ZEB2: variants seen among roughly 807,000 people sequenced by gnomAD.
ZEB2 encodes the protein zinc finger E-box binding homeobox 2.
ZEB2 carries 6 observed loss-of-function variants against 99.9 expected under a neutral mutation model. That is an observed-to-expected ratio of 0.06 (90% CI 0.03 to 0.12). The LOEUF (loss-of-function observed/expected upper bound fraction) is 0.12. ZEB2 is among the 10% of genes least tolerant of loss of function. ZEB2 has a pLI of 1.00. For synonymous variants in ZEB2, 517 were observed against 542.5 expected, an observed-to-expected ratio of 0.95 and a Z score of 0.65; for missense variants, 969 against 1,502.8, an observed-to-expected ratio of 0.64 and a Z score of 5.87.
At chr2:144,510,777 G>A (rs868671237) in intron 2 of ZEB2, among the ~76,000 whole-genome samples, 4 of 151,874 alleles carry the variant, frequency 2.6e-5, no homozygotes, top group East Asian at 1.9e-4. Context: ...GGAGCCTGCC[G>A]GCGGTGAAAG....
intron 2 of ZEB2, among the ~76,000 whole-genome samples, chr2:144,493,572 C>G (rs1174972691): frequency 6.6e-6 from 1 of 151,924 alleles, no homozygotes; most frequent in Non-Finnish European, 1.5e-5. Flanking sequence ...AACTGGGCTC[C>G]ATTTGTTACA....
chr2:144,386,007 C>T lies in ZEB2; in HGVS notation c.*3444G>A, dbSNP rs751537725. The T allele has an allele frequency of 7.2e-5, 11 of 152,128 alleles. No individual in the cohort carries two copies. The highest frequency in any genetic ancestry group is 1.5e-4 in the Non-Finnish European group (10 of 68,020). 9.4% of individuals were successfully genotyped at this position (152,128 alleles called of 1,614,324 possible). On this transcript the variant is annotated 3_prime_UTR_variant, in exon 10 of 10. Coordinates refer to ENST00000627532, the MANE Select transcript of ZEB2 (RefSeq NM_014795.4). ...AGAAATTCTGATACGCATCTCTCTT[C>T]CCAGTTATTTCAGGCCTAAGCTTAC...
At chr2:144,395,004 T>C (rs1397191418) in intron 9 of ZEB2, among the ~76,000 whole-genome samples, 3 of 147,950 alleles carry the variant, frequency 2.0e-5, no homozygotes, top group Admixed American at 2.0e-4. Context: ...TTTTTTTTTT[T>C]TTTTTTTTTG....
intron 2 of ZEB2, among the ~76,000 whole-genome samples, chr2:144,510,687 C>CCTCTCTCTCTCTCT (rs34688250): frequency 1.7e-3 from 257 of 147,968 alleles, no homozygotes; most frequent in African/African-American, 3.8e-3. Flanking sequence ...CTACCCTGTG[C>CCTCTCTCTCTCTCT]CTCTCTCTCT....
chr2:144,513,533 C>A, intron 2 of ZEB2: 1 of 1,529,394 alleles, frequency 6.5e-7, no homozygotes, highest in Non-Finnish European at 8.7e-7. Flanking sequence ...TTCTCTGAAA[C>A]AAGCAGTTTC....
At chr2:144,435,226 C>T (rs937269014) in intron 2 of ZEB2, among the ~76,000 whole-genome samples, 1 of 152,088 alleles carries the variant, frequency 6.6e-6, no homozygotes, top group African/African-American at 2.4e-5. Context: ...TGAGAGAGAC[C>T]ATGCCTAATC....
rs145787612 is a variant in ZEB2 at position 144,415,923 on chromosome 2, G to C, written c.403+8873C>G. ...GTATACTGCAAGCAAAATGACGCCT[G>C]TCCCATGATTACATTTCCCACAGGA... On this transcript the variant is annotated intron_variant, in intron 4 of 9. Coordinates refer to ENST00000627532, the MANE Select transcript of ZEB2 (RefSeq NM_014795.4). Among the ~76,000 whole-genome samples, 567 of 152,284 alleles carry C rather than the reference G, an allele frequency of 3.7e-3. 10 individuals are homozygous for C. The highest frequency in any genetic ancestry group is 1.1e-3 in the Non-Finnish European group (78 of 68,020).
At chr2:144,411,166 G>A (rs930034) in intron 4 of ZEB2, among the ~76,000 whole-genome samples, 27,476 of 137,498 alleles carry the variant, frequency 0.2, 3,454 homozygotes, top group African/African-American at 0.32. Context: ...CCAGTGTAAT[G>A]TAATGTATAT....
chr2:144,411,878 G>A (rs1703469132), intron 4 of ZEB2, among the ~76,000 whole-genome samples: 2 of 152,198 alleles, frequency 1.3e-5, no homozygotes, highest in South Asian at 4.1e-4. Context: ...TCTTACATTA[G>A]GGGATTTTGA....
At chr2:144,415,625 A>G (rs537278620) in intron 4 of ZEB2, among the ~76,000 whole-genome samples, 3 of 152,330 alleles carry the variant, frequency 2.0e-5, no homozygotes, top group Admixed American at 6.5e-5. Flanking sequence ...AAGGGTCAAC[A>G]AACTCCTTAA....
chr2:144,421,159 C>T (rs952293908), intron 4 of ZEB2, among the ~76,000 whole-genome samples: 1 of 152,176 alleles, frequency 6.6e-6, no homozygotes, highest in African/African-American at 2.4e-5. Context: ...TGCTGTTTGT[C>T]TCCCATTCAC....
At chr2:144,400,319 A>AT (rs1450585167) in intron 7 of ZEB2, 49 bp from the exon 8 acceptor site, 6 of 1,580,778 alleles carry the variant, frequency 3.8e-6, no homozygotes, top group Non-Finnish European at 5.1e-6. Context: ...TTAGATAACA[A>AT]TTGCAATTGT....
At position 144,453,932 on chromosome 2, in the gene ZEB2, C is replaced by A. The variant is rs1309664771; in HGVS notation, c.74-23906G>T. On this transcript the variant is annotated intron_variant, in intron 2 of 9. Coordinates refer to ENST00000627532, the MANE Select transcript of ZEB2 (RefSeq NM_014795.4). Reference sequence around the variant, plus strand: ...GCTCATAATAGTGGTGACATTTAGACAAAAGTCTTGATGACAGCGCAATGC... The same window carrying A: ...GCTCATAATAGTGGTGACATTTAGAAAAAAGTCTTGATGACAGCGCAATGC... 3.3e-5 allele frequency among the ~76,000 whole-genome samples: 5 copies of A among 152,220 alleles called. 1 individual carries two copies. Among genetic ancestry groups the A allele is most frequent in the East Asian group, 1.9e-4 (1 of 5,182 alleles).
intron 2 of ZEB2, among the ~76,000 whole-genome samples, chr2:144,474,312 T>C (rs1288576814): frequency 6.6e-6 from 1 of 152,158 alleles, no homozygotes; most frequent in Non-Finnish European, 1.5e-5. Context: ...CTTATGTGCT[T>C]CCGAATCAAA....
chr2:144,452,297 A>G (rs1018267996), intron 2 of ZEB2, among the ~76,000 whole-genome samples: 1 of 152,114 alleles, frequency 6.6e-6, no homozygotes, highest in Non-Finnish European at 1.5e-5. Flanking sequence ...AATCTGTATG[A>G]TAATTCTCTC....
intron 2 of ZEB2, chr2:144,514,171 C>T (rs1553971315): frequency 4.3e-6 from 1 of 231,308 alleles, no homozygotes; most frequent in Non-Finnish European, 8.7e-6. Context: ...TCTCTTTGTA[C>T]ATTTATTTTT....
Position 144,396,435 on chromosome 2 carries a change from A to C in ZEB2, c.3044T>G (p.Leu1015Arg). The change falls in exon 9 of 10, where the codon CTG (leucine) becomes CGG (arginine). Residue 1015 changes from leucine (L) to arginine (R), a missense_variant. This residue lies in a region of ZEB2 where 17 missense variants were observed against 116.9 expected (regional missense o/e 0.15). Coordinates refer to ENST00000627532, the MANE Select transcript of ZEB2 (RefSeq NM_014795.4). ...DKTFQKSSSL[L>R]RHKYEHTGKR... ...ACCTGTGTGTTCGTATTTATGTCGC[A>C]GAAGGGAACTGCTTTTCTGGAATGT... The C allele has an allele frequency of 6.2e-7, 1 of 1,613,824 alleles. No individual in the cohort carries two copies. The highest frequency in any genetic ancestry group is 8.5e-7 in the Non-Finnish European group (1 of 1,179,982).
rs531792474 is a variant in ZEB2 at position 144,474,689 on chromosome 2, ACT to A, written c.73+42587_73+42588del. On this transcript the variant is annotated intron_variant, in intron 2 of 9. Transcript: ENST00000627532. The stretch of plus-strand genomic sequence containing the variant: ...AACCCTAAATTGTCTGAGCCTGAGG[ACT>A]CTCTATTAAAAAGAGATAGGACCTT... 2.3e-3 allele frequency among the ~76,000 whole-genome samples: 343 copies of A among 152,220 alleles called. 2 individuals carry two copies. Among genetic ancestry groups the A allele is most frequent in the Middle Eastern group, 6.8e-3 (2 of 294 alleles).
intron 4 of ZEB2, among the ~76,000 whole-genome samples, chr2:144,406,957 A>T (rs772086771): frequency 7.2e-5 from 11 of 152,214 alleles, no homozygotes; most frequent in Non-Finnish European, 1.5e-4. Context: ...AATTCCTCAG[A>T]TTCATCTGGG....
Sources: gnomAD v4.1 joint callset for allele counts (sites outside exome capture counted in the v4.1 genomes callset) on GRCh38, gnomAD v4.1.1 for gene constraint, gnomAD v4.1.1 regional missense constraint, MANE v1.5 for transcripts, NCBI Gene and HGNC (gene_info 2026-07-23, HGNC 2026-07-21) for gene names.